RTN1: variants seen among roughly 807,000 people sequenced by gnomAD.
RTN1 encodes reticulon-1.
A neutral mutation model predicts 65.5 loss-of-function variants in RTN1; 25 were observed. The observed-to-expected ratio is 0.38, with a 90% CI of 0.28 to 0.53. The LOEUF is 0.53. RTN1 is among the 20% of genes least tolerant of loss of function. The pLI is 0.79. For synonymous variants in RTN1, 471 were observed against 447.6 expected (o/e 1.05, Z -0.66); for missense variants, 983 against 1,025.4 (o/e 0.96, Z 0.57).
intron 1 of RTN1, among the ~76,000 whole-genome samples, chr14:59,795,834 C>T (rs375653372): frequency 1.2e-4 from 18 of 152,270 alleles, no homozygotes; most frequent in African/African-American, 2.6e-4. Context: ...ATTTTCTCAT[C>T]TCAATGCCCC....
At chr14:59,742,679 T>C (rs1213291762) in intron 2 of RTN1, among the ~76,000 whole-genome samples, 1 of 152,230 alleles carries the variant, frequency 6.6e-6, no homozygotes, top group Non-Finnish European at 1.5e-5. Context: ...TATTAAACAA[T>C]GATAAACTGG....
chr14:59,707,741 AC>A (rs2139454383), intron 3 of RTN1, among the ~76,000 whole-genome samples: 1 of 151,262 alleles, frequency 6.6e-6, no homozygotes, highest in Non-Finnish European at 1.5e-5. Context: ...ACACACACAC[AC>A]AAATACATAC....
At chr14:59,765,936 A>C (rs868057766) in intron 1 of RTN1, among the ~76,000 whole-genome samples, 2 of 152,242 alleles carry the variant, frequency 1.3e-5, no homozygotes, top group Non-Finnish European at 2.9e-5. Flanking sequence ...ATGCTTTAAA[A>C]GAAAAAAACT....
chr14:59,739,147 C>T (rs1324461396), intron 2 of RTN1, among the ~76,000 whole-genome samples: 1 of 151,328 alleles, frequency 6.6e-6, no homozygotes, highest in Non-Finnish European at 1.5e-5. Flanking sequence ...ACATGTACCC[C>T]TGAGCTTAAA....
chr14:59,861,927 C>T (rs1051474169), intron 1 of RTN1, among the ~76,000 whole-genome samples: 1 of 152,134 alleles, frequency 6.6e-6, no homozygotes, highest in Non-Finnish European at 1.5e-5. Context: ...ATGGCACCTA[C>T]CCTTTAGTAT....
At chr14:59,631,338 G>A (rs1882549987) in intron 3 of RTN1, among the ~76,000 whole-genome samples, 1 of 152,218 alleles carries the variant, frequency 6.6e-6, no homozygotes, top group Admixed American at 6.5e-5. Flanking sequence ...ACTCTGGTAC[G>A]TGGAGTCATT....
chr14:59,710,218 T>C (rs926488094), intron 3 of RTN1, among the ~76,000 whole-genome samples: 3 of 151,998 alleles, frequency 2.0e-5, no homozygotes, highest in African/African-American at 7.3e-5. Flanking sequence ...AATTTTTGTA[T>C]CTTTTTTTTG....
At position 59,727,662 on chromosome 14, in the gene RTN1, G is replaced by T. The variant is rs1830062519; in HGVS notation, c.1022C>A (p.Ser341Tyr). ...ITPPSSGTEP[S>Y]AAESQGKGSI... ...GCCTTTCCCCTGGGATTCTGCAGCAGATGGTTCTGTCGTCCCACAGAGCGA... is the reference window on the plus strand; with the variant it reads ...GCCTTTCCCCTGGGATTCTGCAGCATATGGTTCTGTCGTCCCACAGAGCGA... The change falls in exon 3 of 9, where the codon TCT becomes TAT. Residue 341 changes from serine (S) to tyrosine (Y), a missense_variant. Ser to Tyr is a moderately radical substitution (Grantham distance 144). This residue lies in a region of RTN1 where 818 missense variants were observed against 801.8 expected (regional missense o/e 1.02). Transcript: ENST00000267484. The surrounding 1 kb of genome is among the most constrained non-coding windows in gnomAD (Gnocchi z 4.2). 3 of 1,600,586 alleles carry T rather than the reference G, an allele frequency of 1.9e-6. No individual in the cohort carries two copies. Among genetic ancestry groups the T allele is most frequent in the Admixed American group, 1.7e-5 (1 of 58,768 alleles).
At chr14:59,633,848 G>A (rs1285650847) in intron 3 of RTN1, among the ~76,000 whole-genome samples, 1 of 152,178 alleles carries the variant, frequency 6.6e-6, no homozygotes, top group East Asian at 1.9e-4. Flanking sequence ...AATATTGAAG[G>A]CTAGCATTCC....
chr14:59,608,211 C>T (rs1361101357), intron 3 of RTN1, among the ~76,000 whole-genome samples: 1 of 152,198 alleles, frequency 6.6e-6, no homozygotes, highest in African/African-American at 2.4e-5. Flanking sequence ...TACCCTCCAA[C>T]TGGGTATGTG....
At chr14:59,648,311 A>T (rs1882944687) in intron 3 of RTN1, among the ~76,000 whole-genome samples, 1 of 152,194 alleles carries the variant, frequency 6.6e-6, no homozygotes, top group East Asian at 1.9e-4. Context: ...TAGTCTATCA[A>T]CCAAAAAGTC....
chr14:59,861,439 T>C (rs1486129463), intron 1 of RTN1, among the ~76,000 whole-genome samples: 3 of 152,208 alleles, frequency 2.0e-5, no homozygotes, highest in East Asian at 1.9e-4. Context: ...CAGTCTCGGG[T>C]ATCTCTTAAT....
chr14:59,623,892 C>G (rs1882322021), intron 3 of RTN1, among the ~76,000 whole-genome samples: 1 of 152,074 alleles, frequency 6.6e-6, no homozygotes, highest in Non-Finnish European at 1.5e-5. Context: ...TTATGTTCTT[C>G]TTGATGCCAA....
At chr14:59,605,239 G>C in intron 5 of RTN1, 129 bp downstream of exon 5, 1 of 892,364 alleles carries the variant, frequency 1.1e-6, no homozygotes, top group Non-Finnish European at 1.7e-6. Flanking sequence ...CATACAACTG[G>C]AGGTCTTCTG....
At chr14:59,840,529 G>A (rs1320076435) in intron 1 of RTN1, among the ~76,000 whole-genome samples, 3 of 152,136 alleles carry the variant, frequency 2.0e-5, no homozygotes, top group Admixed American at 2.0e-4. Flanking sequence ...GGTTGTCGTA[G>A]GAGTAAATGC....
At chr14:59,720,649 G>A (rs1396861958) in intron 3 of RTN1, among the ~76,000 whole-genome samples, 1 of 151,820 alleles carries the variant, frequency 6.6e-6, no homozygotes, top group Non-Finnish European at 1.5e-5. Context: ...CTTGAACCTG[G>A]GAGTGGAGGT....
At chr14:59,685,950 A>C (rs1334254580) in intron 3 of RTN1, among the ~76,000 whole-genome samples, 1 of 152,236 alleles carries the variant, frequency 6.6e-6, no homozygotes, top group Non-Finnish European at 1.5e-5. Context: ...CCAAAACTGC[A>C]TGGTACTGGC....
intron 3 of RTN1, among the ~76,000 whole-genome samples, chr14:59,708,367 T>A (rs1884344131): frequency 6.6e-6 from 1 of 152,242 alleles, no homozygotes; most frequent in Admixed American, 6.5e-5. Flanking sequence ...CCAAATACCT[T>A]TGCATGATAT....
At chr14:59,737,335 A>G (rs1885021571) in intron 2 of RTN1, among the ~76,000 whole-genome samples, 1 of 152,206 alleles carries the variant, frequency 6.6e-6, no homozygotes, top group Non-Finnish European at 1.5e-5. Context: ...TATAAAATCA[A>G]TGTGTGAAAA....
Sources: gnomAD v4.1 joint callset for allele counts (sites outside exome capture counted in the v4.1 genomes callset) on GRCh38, gnomAD v4.1.1 for gene constraint, gnomAD v4.1.1 regional missense constraint, Gnocchi (gnomAD v3.1) non-coding constraint, MANE v1.5 for transcripts, NCBI Gene and HGNC (gene_info 2026-07-23, HGNC 2026-07-21) for gene names.